CIMIP3: variants seen among roughly 807,000 people sequenced by gnomAD.
CIMIP3 encodes GUCA1A neighbor.
chr6:42,157,393 C>T, the CIMIP3 span, among the ~76,000 whole-genome samples: 16 of 152,128 alleles, frequency 1.1e-4, no homozygotes, highest in South Asian at 2.9e-3. Flanking sequence ...GGATTACAGG[C>T]GTGCACCATC....
chr6:42,159,734 A>G, the CIMIP3 span, among the ~76,000 whole-genome samples: 1 of 152,224 alleles, frequency 6.6e-6, no homozygotes, highest in Non-Finnish European at 1.5e-5. Context: ...GGCCCCTGGC[A>G]GGCCCTGCTC....
At chr6:42,156,816 G>A in the CIMIP3 span, among the ~76,000 whole-genome samples, 1 of 152,230 alleles carries the variant, frequency 6.6e-6, no homozygotes, top group Admixed American at 6.5e-5. Context: ...AACAGGGTCA[G>A]GCCCAGAGCT....
At chr6:42,158,329 G>A in the CIMIP3 span, among the ~76,000 whole-genome samples, 123 of 152,302 alleles carry the variant, frequency 8.1e-4, 1 homozygote, top group African/African-American at 2.9e-3. Flanking sequence ...GGGCAGGGGA[G>A]GGCTAGTGCT....
the CIMIP3 span, among the ~76,000 whole-genome samples, chr6:42,159,852 C>T: frequency 6.6e-6 from 1 of 152,224 alleles, no homozygotes; most frequent in African/African-American, 2.4e-5. Flanking sequence ...GGACAGGGGA[C>T]TGACCTCTTC....
chr6:42,160,964 G>A, the CIMIP3 span, among the ~76,000 whole-genome samples: 6 of 152,110 alleles, frequency 3.9e-5, no homozygotes, highest in South Asian at 4.1e-4. Flanking sequence ...TGAGGCGGGC[G>A]GATCACCTGA....
the CIMIP3 span, among the ~76,000 whole-genome samples, chr6:42,158,945 G>A: frequency 6.6e-6 from 1 of 152,208 alleles, no homozygotes; most frequent in African/African-American, 2.4e-5. Flanking sequence ...AGCAGGGATG[G>A]GGGGTGGGGT....
the CIMIP3 span, chr6:42,155,720 A>G: frequency 1.4e-6 from 1 of 693,238 alleles, no homozygotes; most frequent in Admixed American, 2.1e-5. Flanking sequence ...GACACCCTCC[A>G]TCTTGCTTCC....
At chr6:42,161,324 G>A in the CIMIP3 span, among the ~76,000 whole-genome samples, 1 of 152,304 alleles carries the variant, frequency 6.6e-6, no homozygotes, top group African/African-American at 2.4e-5. Context: ...CCTAGAGGCT[G>A]GAGGGCTGTG....
chr6:42,163,037 G>A, the CIMIP3 span: 1 of 717,422 alleles, frequency 1.4e-6, no homozygotes. Context: ...GCAGTCTCTG[G>A]CAGCAGCCTA....
chr6:42,163,021 CCT>C, the CIMIP3 span: 1 of 717,296 alleles, frequency 1.4e-6, no homozygotes, highest in South Asian at 1.5e-5. Context: ...GGAAGCAGGA[CCT>C]CGAGCAGTCT....
the CIMIP3 span, among the ~76,000 whole-genome samples, chr6:42,161,090 A>G: frequency 6.6e-6 from 1 of 152,200 alleles, no homozygotes; most frequent in Admixed American, 6.5e-5. Flanking sequence ...CGGGAGGGTG[A>G]GGCAGGAGAA....
the CIMIP3 span, among the ~76,000 whole-genome samples, chr6:42,156,306 C>CTT: frequency 1.3e-4 from 18 of 137,100 alleles, no homozygotes; most frequent in East Asian, 6.4e-4. Context: ...ATTTTTTTTT[C>CTT]TTTTTTTTTT....
At chr6:42,157,566 T>C in the CIMIP3 span, among the ~76,000 whole-genome samples, 1 of 151,816 alleles carries the variant, frequency 6.6e-6, no homozygotes, top group Non-Finnish European at 1.5e-5. Context: ...CTTTTTTTTT[T>C]TTTAATAGAG....
the CIMIP3 span, chr6:42,155,442 T>C: frequency 3.0e-6 from 2 of 674,002 alleles, no homozygotes; most frequent in Non-Finnish European, 5.5e-6. Context: ...CCACCAGAAG[T>C]TCCACCTCAC....
At chr6:42,157,989 G>A in the CIMIP3 span, among the ~76,000 whole-genome samples, 5 of 152,076 alleles carry the variant, frequency 3.3e-5, no homozygotes, top group Non-Finnish European at 5.9e-5. Context: ...TCTCCTACCC[G>A]CTGGAAGGCA....
the CIMIP3 span, chr6:42,155,521 C>T: frequency 5.6e-6 from 4 of 717,172 alleles, no homozygotes; most frequent in Non-Finnish European, 1.0e-5. Flanking sequence ...AAGGTCAGCT[C>T]GGGGTCACAA....
At chr6:42,161,095 G>A in the CIMIP3 span, among the ~76,000 whole-genome samples, 3 of 152,194 alleles carry the variant, frequency 2.0e-5, no homozygotes, top group African/African-American at 7.2e-5. Flanking sequence ...GGGTGAGGCA[G>A]GAGAATTGCT....
the CIMIP3 span, among the ~76,000 whole-genome samples, chr6:42,160,027 C>T: frequency 1.3e-5 from 2 of 152,252 alleles, no homozygotes; most frequent in South Asian, 4.1e-4. Flanking sequence ...GCTCTGTCAC[C>T]CAGGCTGGAG....
the CIMIP3 span, among the ~76,000 whole-genome samples, chr6:42,160,905 G>A: frequency 6.6e-6 from 1 of 152,198 alleles, no homozygotes; most frequent in Non-Finnish European, 1.5e-5. Flanking sequence ...AAACCCAGAG[G>A]AGGCCGGGTG....
Sources: allele counts gnomAD v4.1 joint callset (sites outside exome capture counted in the v4.1 genomes callset), GRCh38; gene constraint gnomAD v4.1.1; transcripts MANE v1.5; gene names NCBI Gene and HGNC (gene_info 2026-07-23, HGNC 2026-07-21).